The following SLC35F3 variants were observed in gnomAD, a reference collection of about 807,000 sequenced individuals.
SLC35F3 encodes the protein putative thiamine transporter SLC35F3.
Under a neutral mutation model 49.9 loss-of-function variants are expected in SLC35F3, and 25 were observed. That is an observed-to-expected ratio of 0.50 (90% CI 0.37 to 0.70). SLC35F3 has a LOEUF of 0.70. Ranked by LOEUF, SLC35F3 falls within the 30% of genes least tolerant of loss-of-function variation. The pLI, the probability that SLC35F3 is intolerant of heterozygous loss-of-function variation, is 0.00. For missense variants in SLC35F3, 525 were observed against 639.8 expected (o/e 0.82, Z 1.94); for synonymous variants, 275 against 265.4 (o/e 1.04, Z -0.35).
intron 2 of SLC35F3, among the ~76,000 whole-genome samples, chr1:234,066,261 G>A (rs145204493): frequency 2.6e-5 from 4 of 152,220 alleles, no homozygotes; most frequent in African/African-American, 9.6e-5. Context: ...CTGAAGTCAG[G>A]TGAGGTCCCT....
intron 2 of SLC35F3, among the ~76,000 whole-genome samples, chr1:234,066,830 C>CCT (rs1248154393): frequency 0.017 from 2,276 of 135,186 alleles, 31 homozygotes; most frequent in East Asian, 0.031. Context: ...CCTCTCTCTC[C>CCT]CACACACACA....
chr1:234,321,526 C>G (rs1558110183), intron 7 of SLC35F3, among the ~76,000 whole-genome samples: 3 of 152,220 alleles, frequency 2.0e-5, no homozygotes, highest in Admixed American at 1.3e-4. Flanking sequence ...ACCGTCCTCC[C>G]CCTACATTCT....
At chr1:233,999,782 T>C (rs1663522497) in intron 2 of SLC35F3, among the ~76,000 whole-genome samples, 1 of 152,190 alleles carries the variant, frequency 6.6e-6, no homozygotes. Context: ...TTATTTGCAT[T>C]AATTTCCTTT....
intron 3 of SLC35F3, among the ~76,000 whole-genome samples, chr1:234,303,447 G>A (rs1460650038): frequency 2.6e-5 from 4 of 152,286 alleles, no homozygotes; most frequent in South Asian, 4.1e-4. Context: ...TCTCTTGCCC[G>A]TGTGGAGCTG....
At chr1:233,921,119 A>G (rs917076901) in intron 2 of SLC35F3, among the ~76,000 whole-genome samples, 3 of 152,284 alleles carry the variant, frequency 2.0e-5, no homozygotes, top group Non-Finnish European at 4.4e-5. Flanking sequence ...TCAAAGAAGC[A>G]GAACCACAAG....
intron 2 of SLC35F3, among the ~76,000 whole-genome samples, chr1:234,029,235 G>A (rs887901570): frequency 9.2e-5 from 14 of 152,136 alleles, no homozygotes; most frequent in African/African-American, 3.4e-4. Context: ...ACAGAGAGAC[G>A]ATGTAGACAC....
intron 2 of SLC35F3, among the ~76,000 whole-genome samples, chr1:233,952,486 A>G (rs1427816898): frequency 6.6e-6 from 1 of 152,164 alleles, no homozygotes; most frequent in African/African-American, 2.4e-5. Flanking sequence ...TCCATTGAAG[A>G]TAAACTGTGG....
chr1:234,117,932 G>C (rs1198110913), intron 2 of SLC35F3, among the ~76,000 whole-genome samples: 1 of 51,800 alleles, frequency 1.9e-5, no homozygotes. Flanking sequence ...GTGTGTGTGT[G>C]TGTGTGTGTG....
At chr1:234,228,840 GCTTTTT>G (rs1667326215) in intron 2 of SLC35F3, among the ~76,000 whole-genome samples, 2 of 152,078 alleles carry the variant, frequency 1.3e-5, no homozygotes, top group African/African-American at 4.8e-5. Flanking sequence ...ACTAAAAATT[GCTTTTT>G]CTTTTTACTA....
At chr1:234,118,885 C>CTTT (rs60469123) in intron 2 of SLC35F3, among the ~76,000 whole-genome samples, 1 of 143,482 alleles carries the variant, frequency 7.0e-6, no homozygotes, top group Non-Finnish European at 1.5e-5. Flanking sequence ...TTTTTCTTTT[C>CTTT]TTTTTTTTTT....
chr1:234,267,314 A>G (rs1400606070), intron 3 of SLC35F3, among the ~76,000 whole-genome samples: 2 of 131,308 alleles, frequency 1.5e-5, no homozygotes, highest in African/African-American at 3.0e-5. Flanking sequence ...CGATTTCTCA[A>G]TTTTTTCCCC....
chr1:234,214,617 C>A lies in SLC35F3; in HGVS notation c.284-16800C>A, dbSNP rs2102941744. The A allele has an allele frequency of 6.6e-7, 1 of 1,507,674 alleles. No homozygotes were observed. The highest frequency in any genetic ancestry group is 8.9e-7 in the Non-Finnish European group (1 of 1,127,196). 93.4% of individuals were successfully genotyped at this position (1,507,674 alleles called of 1,614,324 possible). ...CGCCCCGGGGGTCCCTGCACCCTAG[C>A]CGGGGAATGCTGCCACCCTGAGGGG... On this transcript the variant is annotated intron_variant, in intron 2 of 7. Transcript: ENST00000366618. This position sits in a 1 kb window ranked among gnomAD's most constrained non-coding sequence, Gnocchi z 8.0.
chr1:233,945,227 G>A (rs776017652), intron 2 of SLC35F3, among the ~76,000 whole-genome samples: 10 of 151,946 alleles, frequency 6.6e-5, no homozygotes, highest in Non-Finnish European at 1.0e-4. Flanking sequence ...AAAGGGCACT[G>A]CTATTTGAAT....
In SLC35F3 at chr1:234,023,788, T is replaced by C. The variant is rs1045484467; in HGVS notation, c.283+118030T>C. 1.0e-4 allele frequency among the ~76,000 whole-genome samples: 15 copies of C among 150,666 alleles called. 1 individual carries two copies. The South Asian group carries it at 3.0e-3, about 30-fold the overall frequency. On this transcript the variant is annotated intron_variant, in intron 2 of 7. Transcript: ENST00000366618. ...TGCCACTTTACCTCCATGGTCTTCT[T>C]CCCCGAGCCCAATAACGCCAATCTA...
chr1:234,212,096 G>A (rs1572096846), intron 2 of SLC35F3, among the ~76,000 whole-genome samples: 1 of 152,170 alleles, frequency 6.6e-6, no homozygotes, highest in African/African-American at 2.4e-5. Flanking sequence ...GACGTGGCTT[G>A]CTCCTCCTTG....
intron 2 of SLC35F3, among the ~76,000 whole-genome samples, chr1:234,075,381 T>G (rs966927481): frequency 6.6e-6 from 1 of 152,204 alleles, no homozygotes; most frequent in Non-Finnish European, 1.5e-5. Context: ...GCCTTGTGCC[T>G]TAGAAAGAGC....
At chr1:234,045,606 A>G (rs1664277000) in intron 2 of SLC35F3, among the ~76,000 whole-genome samples, 1 of 152,158 alleles carries the variant, frequency 6.6e-6, no homozygotes, top group Non-Finnish European at 1.5e-5. Context: ...CATGCTGTAT[A>G]CCTAGAATAA....
chr1:234,206,848 A>G (rs1259485339), intron 2 of SLC35F3, among the ~76,000 whole-genome samples: 1 of 152,132 alleles, frequency 6.6e-6, no homozygotes, highest in East Asian at 1.9e-4. Flanking sequence ...TCATTGAACA[A>G]GACCTTGCCT....
chr1:234,197,763 C>T (rs1026065705), intron 2 of SLC35F3, among the ~76,000 whole-genome samples: 18 of 152,366 alleles, frequency 1.2e-4, no homozygotes, highest in Middle Eastern at 3.4e-3. Flanking sequence ...CTAGAATCTT[C>T]ATTGACCTTA....
Sources: allele counts gnomAD v4.1 joint callset (sites outside exome capture counted in the v4.1 genomes callset), GRCh38; gene constraint gnomAD v4.1.1; non-coding constraint Gnocchi (gnomAD v3.1); transcripts MANE v1.5; gene names NCBI Gene and HGNC (gene_info 2026-07-23, HGNC 2026-07-21).